Variants in MARCHF7 observed in about 807,000 individuals in gnomAD.
MARCHF7 encodes membrane associated ring-CH-type finger 7.
MARCHF7 carries 20 observed loss-of-function variants against 76.5 expected under a neutral mutation model. The ratio of observed to expected loss-of-function variants is 0.26; its 90% CI spans 0.18 to 0.38. The LOEUF is 0.38. MARCHF7 is among the 10% of genes least tolerant of loss of function. The pLI is 1.00. For missense variants in MARCHF7, 797 were observed against 812.9 expected, an observed-to-expected ratio of 0.98 and a Z score of 0.24; for synonymous variants, 295 against 293.0, an observed-to-expected ratio of 1.01 and a Z score of -0.07.
Position 159,748,559 on chromosome 2 carries a change from T to G in MARCHF7, c.1269T>G (p.Ile423Met). 8.7e-6 allele frequency: 14 copies of G among 1,614,208 alleles called. No individual in the cohort carries two copies. Among genetic ancestry groups the G allele is most frequent in the Non-Finnish European group, 1.1e-5 (13 of 1,180,028 alleles). The change falls in exon 7 of 12, where the codon ATT becomes ATG. Residue 423 changes from isoleucine (I) to methionine (M), a missense_variant. Transcript: ENST00000409175. ...PTSDTSSRSH[I>M]FRRESNEVVH... ...CTGATACATCATCTAGATCTCATATTTTTAGAAGAGAATCAAATGAAGTGG... is the reference window on the plus strand; with the variant it reads ...CTGATACATCATCTAGATCTCATATGTTTAGAAGAGAATCAAATGAAGTGG...
intron 11 of MARCHF7, among the ~76,000 whole-genome samples, chr2:159,765,475 C>T (rs1333828604): frequency 6.6e-6 from 1 of 152,104 alleles, no homozygotes; most frequent in Non-Finnish European, 1.5e-5. Flanking sequence ...CCCCACCCAA[C>T]CCCTACATAT....
chr2:159,720,079 G>T (rs1701467573), intron 3 of MARCHF7, among the ~76,000 whole-genome samples: 1 of 152,116 alleles, frequency 6.6e-6, no homozygotes, highest in African/African-American at 2.4e-5. Flanking sequence ...AGGCTGGGGT[G>T]CAGTGGTGCC....
At chr2:159,724,857 G>T (rs1391394712) in intron 3 of MARCHF7, among the ~76,000 whole-genome samples, 1 of 152,042 alleles carries the variant, frequency 6.6e-6, no homozygotes, top group Non-Finnish European at 1.5e-5. Flanking sequence ...ACAGGCCCCA[G>T]TGTGTGATGT....
intron 11 of MARCHF7, among the ~76,000 whole-genome samples, 197 bp downstream of exon 11, chr2:159,764,871 A>G (rs1707575716): frequency 6.6e-6 from 1 of 150,814 alleles, no homozygotes; most frequent in South Asian, 2.1e-4. Flanking sequence ...ATTTTAAGGT[A>G]TGGAAGCATG....
intron 10 of MARCHF7, 51 bp downstream of exon 10, chr2:159,763,044 T>C (rs1023677404): frequency 7.7e-6 from 9 of 1,161,556 alleles, no homozygotes; most frequent in African/African-American, 1.5e-5. Flanking sequence ...AGCAAGTGTA[T>C]GCCTTGGAAA....
chr2:159,744,858 T>G (rs1373059948), intron 5 of MARCHF7, among the ~76,000 whole-genome samples: 1 of 152,236 alleles, frequency 6.6e-6, no homozygotes, highest in Non-Finnish European at 1.5e-5. Flanking sequence ...GAATCAAAAT[T>G]TCAAGGTAAA....
intron 3 of MARCHF7, among the ~76,000 whole-genome samples, chr2:159,716,583 G>A (rs190186090): frequency 4.2e-4 from 64 of 152,150 alleles, no homozygotes; most frequent in African/African-American, 1.4e-3. Context: ...CCAGGAGGTC[G>A]AGGCTGCAGT....
At position 159,768,156 on chromosome 2, in the gene MARCHF7, T is replaced by A. The variant is rs1389331550; in HGVS notation, c.*814T>A. 2 of 152,616 alleles carry A rather than the reference T, an allele frequency of 1.3e-5. No individual in the cohort carries two copies. Among genetic ancestry groups the A allele is most frequent in the African/African-American group, 4.8e-5 (2 of 41,462 alleles). The allele number at this position is 152,616 out of a possible 1,614,324, so 9.5% of individuals were successfully genotyped here. A position where few individuals can be genotyped will look rare whatever the true frequency, so the allele number is the denominator to read the frequency against. ...ATTTTTAAATCCCACATTCAGAGTT[T>A]AAAACACTGGTTTTCAATGTGTTTT... On this transcript the variant is annotated 3_prime_UTR_variant, in exon 12 of 12. Coordinates refer to ENST00000409175, the MANE Select transcript of MARCHF7 (RefSeq NM_001282805.2).
At chr2:159,730,419 T>A (rs1489311169) in intron 4 of MARCHF7, among the ~76,000 whole-genome samples, 1 of 152,242 alleles carries the variant, frequency 6.6e-6, no homozygotes, top group East Asian at 1.9e-4. Flanking sequence ...TACACAGTAG[T>A]AAGCATTCTT....
At chr2:159,742,602 T>C (rs1197670873) in intron 4 of MARCHF7, among the ~76,000 whole-genome samples, 3 of 151,768 alleles carry the variant, frequency 2.0e-5, no homozygotes, top group South Asian at 2.1e-4. Context: ...AGTACAATTA[T>C]AGTGTATAGT....
intron 9 of MARCHF7, among the ~76,000 whole-genome samples, chr2:159,760,423 C>T (rs2125705087): frequency 6.6e-6 from 1 of 152,278 alleles, no homozygotes; most frequent in African/African-American, 2.4e-5. Flanking sequence ...AGCACAGGTG[C>T]TACTCTAATG....
chr2:159,730,851 G>A (rs1460762711), intron 4 of MARCHF7, among the ~76,000 whole-genome samples: 2 of 152,072 alleles, frequency 1.3e-5, no homozygotes, highest in African/African-American at 4.8e-5. Context: ...TGACTTACTA[G>A]CTATTGACAT....
chr2:159,763,217 C>A (rs1707323925), intron 10 of MARCHF7, among the ~76,000 whole-genome samples: 1 of 152,096 alleles, frequency 6.6e-6, no homozygotes, highest in African/African-American at 2.4e-5. Flanking sequence ...AAGTAATTTT[C>A]TAGCTCTCAA....
chr2:159,748,696 G>A lies in MARCHF7; in HGVS notation c.1406G>A (p.Gly469Asp), dbSNP rs2125602287. 3.7e-6 allele frequency: 6 copies of A among 1,614,162 alleles called. No individual in the cohort carries two copies. In the East Asian group the frequency reaches 1.3e-4, roughly 36 times the overall value. ...GGCTCTACATCAGATTCGGCTCAAG[G>A]TGGAAGAAATACAGGAATATCAGGG... ...TGGSTSDSAQ[G>D]GRNTGISGIL... Residue 469 changes from glycine to aspartate, a missense_variant, in exon 7 of 12, where the codon GGT becomes GAT. By Grantham distance (94) the Gly-to-Asp change is moderately conservative. Transcript: ENST00000409175.
At chr2:159,737,653 T>G (rs1406551829) in intron 4 of MARCHF7, among the ~76,000 whole-genome samples, 1 of 152,108 alleles carries the variant, frequency 6.6e-6, no homozygotes, top group Non-Finnish European at 1.5e-5. Flanking sequence ...CTGTGCATGG[T>G]GTCGCATGCC....
In MARCHF7 at chr2:159,762,873, G is replaced by C; in HGVS notation, c.1894-7G>C. 3.8e-6 allele frequency: 6 copies of C among 1,584,006 alleles called. No individual in the cohort carries two copies. Among genetic ancestry groups the C allele is most frequent in the Non-Finnish European group, 5.2e-6 (6 of 1,162,796 alleles). ...TTTCTTTTCTCCTGTTTGCTTCCCT[G>C]TTGAAGGCTGAGTATGAGTTTATCA... On this transcript the variant is annotated splice_region_variant and splice_polypyrimidine_tract_variant and intron_variant, in intron 9 of 11. Transcript: ENST00000409175.
Position 159,764,656 on chromosome 2 carries a change from C to T in MARCHF7, c.2038C>T (p.His680Tyr), listed in dbSNP as rs138164180. 1.1e-4 allele frequency: 179 copies of T among 1,602,954 alleles called. No homozygotes were observed. Among genetic ancestry groups the T allele is most frequent in the South Asian group, 2.2e-4 (20 of 89,268 alleles). Residue 680 changes from histidine to tyrosine, a missense_variant, in exon 11 of 12, where the codon CAT (histidine) becomes TAT (tyrosine). Transcript: ENST00000409175. The part of the protein sequence containing the change: ...FINLARTLQA[H>Y]MEDLETSEDD... Reference sequence around the variant, plus strand: ...TAACCTTGCAAGAACTCTTCAGGCACATATGGAAGATCTCGAAAGTAGGTG... The same window carrying T: ...TAACCTTGCAAGAACTCTTCAGGCATATATGGAAGATCTCGAAAGTAGGTG...
chr2:159,717,719 T>G (rs1217249979), intron 3 of MARCHF7, among the ~76,000 whole-genome samples: 2 of 152,206 alleles, frequency 1.3e-5, no homozygotes, highest in African/African-American at 4.8e-5. Flanking sequence ...GGCAAATAAT[T>G]GTTGCCCTCA....
chr2:159,767,102 G>T (rs185129902), intron 11 of MARCHF7, among the ~76,000 whole-genome samples, 182 bp from the exon 12 acceptor site: 203 of 152,184 alleles, frequency 1.3e-3, no homozygotes, highest in African/African-American at 4.6e-3. Context: ...GAGAATTGTG[G>T]TTGGGTATCA....
Sources: gnomAD v4.1 joint callset for allele counts (sites outside exome capture counted in the v4.1 genomes callset) on GRCh38, gnomAD v4.1.1 for gene constraint, MANE v1.5 for transcripts, NCBI Gene and HGNC (gene_info 2026-07-23, HGNC 2026-07-21) for gene names.